Variants in ABR observed in about 807,000 individuals in gnomAD.
ABR encodes ABR activator of RhoGEF and GTPase.
A neutral mutation model predicts 107.2 loss-of-function variants in ABR; 35 were observed. That is an observed-to-expected ratio of 0.33 (90% CI 0.25 to 0.43). The LOEUF is 0.43. Ranked by LOEUF, ABR falls within the 20% of genes least tolerant of loss-of-function variation. ABR has a pLI of 1.00. For missense variants in ABR, 815 were observed against 1,115.2 expected (o/e 0.73, Z 3.83); for synonymous variants, 498 against 462.0 (o/e 1.08, Z -1.00).
upstream of ABR, among the ~76,000 whole-genome samples, chr17:1,188,912 G>GC (rs2042372638): frequency 6.6e-6 from 1 of 152,188 alleles, no homozygotes; most frequent in South Asian, 2.1e-4. Flanking sequence ...TGAAATCACT[G>GC]CACCAGCTTC....
intron 1 of ABR, among the ~76,000 whole-genome samples, chr17:1,168,275 G>A (rs1300557610): frequency 6.6e-6 from 1 of 152,184 alleles, no homozygotes; most frequent in Non-Finnish European, 1.5e-5. Context: ...ACTCCAGCCT[G>A]GGCGACAAGA....
At chr17:1,122,091 C>G (rs1255690931) in intron 2 of ABR, among the ~76,000 whole-genome samples, 1 of 152,132 alleles carries the variant, frequency 6.6e-6, no homozygotes, top group Non-Finnish European at 1.5e-5. Context: ...TTAGTAGAGA[C>G]AGGGTTTCAC....
At chr17:1,031,790 C>T (rs896236676) in intron 16 of ABR, 5 of 1,230,532 alleles carry the variant, frequency 4.1e-6, no homozygotes, top group South Asian at 4.0e-5. Context: ...CTGTGGAGCG[C>T]TCAGTCCCGG....
rs1211398289 is a variant in ABR, at chr17:1,225,158, AAAAAAG to A, written c.838+3629_838+3634del. 7.6e-5 allele frequency among the ~76,000 whole-genome samples: 11 copies of A among 144,306 alleles called. No homozygotes were observed. In the South Asian group the frequency reaches 8.8e-4, roughly 12 times the overall value. The allele number at this position is 144,306 out of a possible 152,430, so 94.7% of individuals were successfully genotyped here. On this transcript the variant is annotated intron_variant, in intron 1 of 22. Transcript: ENST00000574139. ...CGTGAGACTCCATCTCAAAAAAAAA[AAAAAAG>A]AAAAGAAAAGAAAGAAAGAAATGGG...
intron 2 of ABR, chr17:1,108,794 A>C (rs1446861053): frequency 1.9e-5 from 20 of 1,063,552 alleles, no homozygotes; most frequent in Admixed American, 4.2e-5. Context: ...TCCCCCGGGA[A>C]CAGCTGCCGG....
intron 1 of ABR, among the ~76,000 whole-genome samples, chr17:1,223,912 C>T (rs949371824): frequency 6.6e-6 from 1 of 152,108 alleles, no homozygotes; most frequent in Admixed American, 6.6e-5. Flanking sequence ...TCCCTCGACA[C>T]GTGGGGATGA....
At chr17:1,208,242 C>G (rs2042833919) in intron 1 of ABR, among the ~76,000 whole-genome samples, 1 of 152,170 alleles carries the variant, frequency 6.6e-6, no homozygotes, top group Non-Finnish European at 1.5e-5. Flanking sequence ...CTTGTTCTTC[C>G]TGGCCTTCCT....
At chr17:1,024,023 T>TCAAAAAAA (rs2071951725) in intron 16 of ABR, among the ~76,000 whole-genome samples, 1 of 27,886 alleles carries the variant, frequency 3.6e-5, no homozygotes, top group African/African-American at 1.4e-4. Flanking sequence ...AGACTCCATC[T>TCAAAAAAA]CAAAAAAAAA....
At chr17:1,153,645 G>A (rs1193432489) in intron 1 of ABR, among the ~76,000 whole-genome samples, 1 of 85,180 alleles carries the variant, frequency 1.2e-5, no homozygotes, top group Admixed American at 1.3e-4. Context: ...CGGGAGGGCT[G>A]GGGACCCAGG....
At chr17:1,126,616 C>T (rs2039615005) in intron 1 of ABR, 2 of 152,440 alleles carry the variant, frequency 1.3e-5, no homozygotes, top group African/African-American at 4.8e-5. Flanking sequence ...CGGGTATCTT[C>T]CGGGCGGGAC....
At position 1,210,467 on chromosome 17, in the gene ABR, G is replaced by A. The variant is rs141685793; in HGVS notation, c.838+18326C>T. On this transcript the variant is annotated intron_variant, in intron 1 of 22. Transcript: ENST00000574139. This position sits in a 1 kb window ranked among gnomAD's most constrained non-coding sequence, Gnocchi z 5.6. ...TATCACTCAGCTTGTCTGCACTATC[G>A]TCCAGGTGTCACTCAGCTTCTCTGC... is the stretch of plus-strand genomic sequence containing the variant. Among the ~76,000 whole-genome samples, 8 of 143,192 alleles carry A rather than the reference G, an allele frequency of 5.6e-5. No homozygotes were observed. The highest frequency in any genetic ancestry group is 7.7e-5 in the Non-Finnish European group (5 of 65,344). 93.9% of individuals were successfully genotyped at this position (143,192 alleles called of 152,430 possible).
chr17:1,169,542 G>A (rs1425937757), intron 1 of ABR, among the ~76,000 whole-genome samples: 9 of 152,148 alleles, frequency 5.9e-5, no homozygotes, highest in East Asian at 1.9e-4. Context: ...AGGGGGCTCC[G>A]CTAAGGTGTA....
chr17:1,113,063 A>G (rs1361660862), intron 2 of ABR, among the ~76,000 whole-genome samples: 1 of 139,436 alleles, frequency 7.2e-6, no homozygotes, highest in Non-Finnish European at 1.5e-5. Flanking sequence ...GCTGTGCACC[A>G]GGCAGTGTGC....
rs773415018 is a variant in ABR, at chr17:1,058,818, ATCT to A, written c.1229_1231del (p.Lys410del). 8.7e-6 allele frequency: 14 copies of A among 1,613,860 alleles called. No homozygotes were observed. Among genetic ancestry groups the A allele is most frequent in the African/African-American group, 1.3e-5 (1 of 74,844 alleles). The stretch of plus-strand genomic sequence containing the variant: ...CAGCAGCAGGAACTCATTCTCAAAC[ATCT>A]TCTTCTTCAGGCGCTCGATGGCCCG... On this transcript the variant is annotated inframe_deletion, in exon 11 of 23. Transcript: ENST00000302538.
chr17:1,160,011 G>C (rs2041224856), intron 1 of ABR, among the ~76,000 whole-genome samples: 1 of 152,136 alleles, frequency 6.6e-6, no homozygotes, highest in South Asian at 2.1e-4. Flanking sequence ...CTTCTGGAGG[G>C]AACAGGTCCC....
chr17:1,073,465 G>T (rs530325812), intron 7 of ABR, among the ~76,000 whole-genome samples, 160 bp downstream of exon 7: 1 of 152,180 alleles, frequency 6.6e-6, no homozygotes, highest in South Asian at 2.1e-4. Flanking sequence ...CCCTAGCCTG[G>T]CGGCATGGAT....
Position 1,150,262 on chromosome 17 carries a change from C to T in ABR, c.62-24895G>A, listed in dbSNP as rs996928771. 9.9e-5 allele frequency among the ~76,000 whole-genome samples: 15 copies of T among 152,206 alleles called. No homozygotes were observed. The highest frequency in any genetic ancestry group is 3.6e-4 in the African/African-American group (15 of 41,440). ...CTTCATCTTGCTAAAGATAACAGAG[C>T]ACTTGGCCAAGCCAGCGCGATGTCT... On this transcript the variant is annotated intron_variant, in intron 1 of 22. Coordinates refer to ENST00000302538, the MANE Select transcript of ABR (RefSeq NM_021962.5). The surrounding 1 kb of genome is among the most constrained non-coding windows in gnomAD (Gnocchi z 4.8).
chr17:1,103,346 G>A (rs1310116872), intron 2 of ABR, among the ~76,000 whole-genome samples: 3 of 152,104 alleles, frequency 2.0e-5, no homozygotes, highest in East Asian at 3.9e-4. Flanking sequence ...GCCCCTCCAG[G>A]TCAGACCCTC....
In ABR at chr17:1,108,904, C is replaced by G. The variant is rs748100737; in HGVS notation, c.247-8169G>C. 101 of 1,564,008 alleles carry G rather than the reference C, an allele frequency of 6.5e-5. 1 individual carries two copies. The highest frequency in any genetic ancestry group is 1.7e-4 in the Middle Eastern group (1 of 5,894). ...CTTCGGCAGCGCCGGCCCGGCCCCC[C>G]CCAGCGCCCAGGGCGTGTCACGCTC... On this transcript the variant is annotated intron_variant, in intron 2 of 22. Transcript: ENST00000302538.
Sources: gnomAD v4.1 joint callset for allele counts (sites outside exome capture counted in the v4.1 genomes callset) on GRCh38, gnomAD v4.1.1 for gene constraint, Gnocchi (gnomAD v3.1) non-coding constraint, MANE v1.5 for transcripts, NCBI Gene and HGNC (gene_info 2026-07-23, HGNC 2026-07-21) for gene names.